The following MUC21 variants were observed in gnomAD, a reference collection of about 807,000 sequenced individuals.
MUC21 encodes mucin-21.
Under a neutral mutation model 9.1 loss-of-function variants are expected in MUC21, and 8 were observed. That is an observed-to-expected ratio of 0.88 (90% CI 0.52 to 1.59). The LOEUF is 1.59. Among genes scored for constraint, MUC21 ranks in the 40% most tolerant of loss-of-function variants. MUC21 has a pLI of 0.00. For missense variants in MUC21, 478 were observed against 694.2 expected (o/e 0.69, Z 3.50); for synonymous variants, 189 against 275.2 (o/e 0.69, Z 3.10).
chr6:30,987,601 G>A lies in MUC21; in HGVS notation c.1426G>A (p.Val476Met). 6.2e-7 allele frequency: 1 copy of A among 1,614,240 alleles called. No homozygotes were observed. The highest frequency in any genetic ancestry group is 1.1e-5 in the South Asian group (1 of 91,082). ...VSEAKPGGSL[V>M]PWEIFLITLV... The stretch of plus-strand genomic sequence containing the variant: ...TGAGGCGAAGCCTGGTGGGTCCCTG[G>A]TGCCGTGGGAAATCTTCCTCATCAC... Residue 476 changes from valine (V) to methionine (M), a missense_variant, in exon 2 of 3, where the codon GTG becomes ATG. Around this residue, in one of 5 missense-constraint regions of MUC21, gnomAD observed 158 missense variants for 192.6 expected, o/e 0.82. Transcript: ENST00000376296.
rs1166092303 is a variant in MUC21, at chr6:30,986,456, A to C, written c.281A>C (p.Glu94Ala). ...GGGATCAGCACAGCCACCAACTCTG[A>C]GTTCAGCACAGTGTCCAGTGGGATC... ...SSGISTATNS[E>A]FSTVSSGISI... Residue 94 changes from glutamate to alanine, a missense_variant, in exon 2 of 3, where the codon GAG (glutamate) becomes GCG (alanine). Glu to Ala is a moderately radical substitution (Grantham distance 107). Coordinates refer to ENST00000376296, the MANE Select transcript of MUC21 (RefSeq NM_001010909.5). The C allele has an allele frequency of 6.3e-7, 1 of 1,597,154 alleles. No individual in the cohort carries two copies. Among genetic ancestry groups the C allele is most frequent in the Non-Finnish European group, 8.6e-7 (1 of 1,167,754 alleles).
chr6:30,983,795 T>C lies in MUC21; in HGVS notation c.-164T>C. On this transcript the variant is annotated 5_prime_UTR_variant, in exon 1 of 3. Coordinates refer to ENST00000376296, the MANE Select transcript of MUC21 (RefSeq NM_001010909.5). ...CAGCTGCCCACGCCTGAGTCCAAGA[T>C]TCTTCCCAGGAACACAAACGTAGGA... is the stretch of plus-strand genomic sequence containing the variant. 1.8e-6 allele frequency: 1 copy of C among 548,580 alleles called. No homozygotes were observed. Among genetic ancestry groups the C allele is most frequent in the Non-Finnish European group, 3.2e-6 (1 of 308,462 alleles). The allele number at this position is 548,580 out of a possible 1,614,324, so 34.0% of individuals were successfully genotyped here.
Position 30,988,178 on chromosome 6 carries a change from G to A in MUC21, c.1685G>A (p.Arg562Lys). Reference protein sequence around the residue: ...VSSIAMEMSGRNSGP With the variant: ...VSSIAMEMSGKNSGP Reference sequence around the variant, plus strand: ...TCGATAGCCATGGAGATGAGCGGGAGGAACAGCGGGCCCTGAGCAGCCCCG... The same window carrying A: ...TCGATAGCCATGGAGATGAGCGGGAAGAACAGCGGGCCCTGAGCAGCCCCG... Residue 562 changes from arginine (R) to lysine (K), a missense_variant, in exon 3 of 3, where the codon AGG becomes AAG. Around this residue, in one of 5 missense-constraint regions of MUC21, gnomAD observed 158 missense variants for 192.6 expected, o/e 0.82. Coordinates refer to ENST00000376296, the MANE Select transcript of MUC21 (RefSeq NM_001010909.5). The A allele has an allele frequency of 6.2e-7, 1 of 1,611,856 alleles. No homozygotes were observed. The highest frequency in any genetic ancestry group is 8.5e-7 in the Non-Finnish European group (1 of 1,179,764).
Position 30,988,182 on chromosome 6 carries a change from C to T in MUC21, c.1689C>T (p.Asn563=). 1.2e-6 allele frequency: 2 copies of T among 1,611,584 alleles called. No homozygotes were observed. The highest frequency in any genetic ancestry group is 1.1e-5 in the South Asian group (1 of 91,014). The change falls in exon 3 of 3, where the codon AAC becomes AAT. Residue 563 remains asparagine (N), a synonymous_variant. Transcript: ENST00000376296. ...TAGCCATGGAGATGAGCGGGAGGAACAGCGGGCCCTGAGCAGCCCCGGAAG... is the reference window on the plus strand; with the variant it reads ...TAGCCATGGAGATGAGCGGGAGGAATAGCGGGCCCTGAGCAGCCCCGGAAG... The part of the protein sequence containing the change: ...SSIAMEMSGR[N]SGP
Position 30,987,559 on chromosome 6 carries a change from G to A in MUC21, c.1384G>A (p.Ala462Thr). ...TGGAATGCACACAACTTCCCATAGTGCATCTACTGCAGTGAGTGAGGCGAA... is the reference window on the plus strand; with the variant it reads ...TGGAATGCACACAACTTCCCATAGTACATCTACTGCAGTGAGTGAGGCGAA... Reference protein sequence around the residue: ...LTGMHTTSHSASTAVSEAKPG... With the variant: ...LTGMHTTSHSTSTAVSEAKPG... Residue 462 changes from alanine (A) to threonine (T), a missense_variant, in exon 2 of 3, where the codon GCA becomes ACA. This residue lies in a region of MUC21 where 158 missense variants were observed against 192.6 expected (regional missense o/e 0.82). Coordinates refer to ENST00000376296, the MANE Select transcript of MUC21 (RefSeq NM_001010909.5). The A allele has an allele frequency of 6.2e-7, 1 of 1,614,276 alleles. No homozygotes were observed.
rs796267398 is a variant in MUC21 at position 30,988,123 on chromosome 6, C to T, written c.1630C>T (p.Pro544Ser). The T allele has an allele frequency of 1.4e-5, 23 of 1,612,968 alleles. No individual in the cohort carries two copies. In the African/African-American group the frequency reaches 2.9e-4, roughly 21 times the overall value. ...AGCCCCCCACAGGCCCAGGTGGAGT[C>T]CTAACTGGTTCTGGAGGAGACCAGT... ...HGAPHRPRWS[P>S]NWFWRRPVSS... The change falls in exon 3 of 3, where the codon CCT (proline) becomes TCT (serine). Residue 544 changes from proline to serine, a missense_variant. Pro to Ser is a moderately conservative substitution (Grantham distance 74). Transcript: ENST00000376296.
chr6:30,984,650 A>G (rs1292960731), intron 1 of MUC21, among the ~76,000 whole-genome samples: 5 of 147,642 alleles, frequency 3.4e-5, no homozygotes, highest in Non-Finnish European at 7.5e-5. Context: ...AGCCTGGGTG[A>G]CGGAGTGAGA....
Position 30,988,393 on chromosome 6 carries a change from A to T in MUC21, c.*199A>T. On this transcript the variant is annotated 3_prime_UTR_variant, in exon 3 of 3. Coordinates refer to ENST00000376296, the MANE Select transcript of MUC21 (RefSeq NM_001010909.5). ...TACTATATTGCTCATTTAGCTAAGA[A>T]ATAAATACATCTCATCTAACACACA... is the stretch of plus-strand genomic sequence containing the variant. 1.8e-6 allele frequency: 1 copy of T among 563,290 alleles called. No homozygotes were observed. 34.9% of individuals were successfully genotyped at this position (563,290 alleles called of 1,614,324 possible).
At position 30,986,880 on chromosome 6, in the gene MUC21, T is replaced by A. The variant is rs1762331211; in HGVS notation, c.705T>A (p.Ser235Arg). ...ATNSESSTTS[S>R]GASTATNSES... ...ACTCTGAGTCCAGCACGACCTCCAG[T>A]GGGGCCAGCACAGCCACCAACTCTG... The change falls in exon 2 of 3, where the codon AGT (serine) becomes AGA (arginine). Residue 235 changes from serine to arginine, a missense_variant. Ser to Arg is a moderately radical substitution (Grantham distance 110, BLOSUM62 -1). Around this residue, in one of 5 missense-constraint regions of MUC21, gnomAD observed 155 missense variants for 235.2 expected, o/e 0.66. Coordinates refer to ENST00000376296, the MANE Select transcript of MUC21 (RefSeq NM_001010909.5). 6.3e-7 allele frequency: 1 copy of A among 1,590,430 alleles called. No homozygotes were observed. Among genetic ancestry groups the A allele is most frequent in the Non-Finnish European group, 8.6e-7 (1 of 1,167,760 alleles).
chr6:30,986,273 C>A lies in MUC21; in HGVS notation c.98C>A (p.Thr33Asn), dbSNP rs368753344. ...NSNETSTSAN[T>N]GSSVISSGAS... ...AATGAGACTAGCACCTCTGCCAACACTGGATCCAGTGTGATCTCCAGTGGA... is the reference window on the plus strand; with the variant it reads ...AATGAGACTAGCACCTCTGCCAACAATGGATCCAGTGTGATCTCCAGTGGA... The change falls in exon 2 of 3, where the codon ACT becomes AAT. Residue 33 changes from threonine (T) to asparagine (N), a missense_variant. This residue lies in a region of MUC21 where 110 missense variants were observed against 108.3 expected (regional missense o/e 1.02). Transcript: ENST00000376296. 3.1e-6 allele frequency: 5 copies of A among 1,614,128 alleles called. No homozygotes were observed. The highest frequency in any genetic ancestry group is 4.2e-6 in the Non-Finnish European group (5 of 1,179,942).
At position 30,987,580 on chromosome 6, in the gene MUC21, G is replaced by T. The variant is rs766707780; in HGVS notation, c.1405G>T (p.Ala469Ser). ...SHSASTAVSE[A>S]KPGGSLVPWE... Reference sequence around the variant, plus strand: ...TAGTGCATCTACTGCAGTGAGTGAGGCGAAGCCTGGTGGGTCCCTGGTGCC... The same window carrying T: ...TAGTGCATCTACTGCAGTGAGTGAGTCGAAGCCTGGTGGGTCCCTGGTGCC... Residue 469 changes from alanine to serine, a missense_variant, in exon 2 of 3, where the codon GCG becomes TCG. Transcript: ENST00000376296. 23 of 1,614,116 alleles carry T rather than the reference G, an allele frequency of 1.4e-5. No individual in the cohort carries two copies. Among genetic ancestry groups the T allele is most frequent in the Non-Finnish European group, 1.9e-5 (22 of 1,180,044 alleles).
chr6:30,986,478 G>T lies in MUC21; in HGVS notation c.303G>T (p.Gly101=). The T allele has an allele frequency of 6.3e-7, 1 of 1,599,344 alleles. No homozygotes were observed. Among genetic ancestry groups the T allele is most frequent in the Non-Finnish European group, 8.6e-7 (1 of 1,169,482 alleles). Residue 101 remains glycine, a synonymous_variant, in exon 2 of 3, where the codon GGG becomes GGT. Coordinates refer to ENST00000376296, the MANE Select transcript of MUC21 (RefSeq NM_001010909.5). ...CTGAGTTCAGCACAGTGTCCAGTGGGATCAGCATAGCCACCAACTCTGAGT... is the reference window on the plus strand; with the variant it reads ...CTGAGTTCAGCACAGTGTCCAGTGGTATCAGCATAGCCACCAACTCTGAGT... ...TNSEFSTVSS[G]ISIATNSESS... is the part of the protein sequence containing the mutation.
At chr6:30,984,125 GATC>G in intron 1 of MUC21, 106 bp downstream of exon 1, 2 of 692,306 alleles carry the variant, frequency 2.9e-6, no homozygotes, top group African/African-American at 1.8e-5. Flanking sequence ...ATAGAGTGAG[GATC>G]ATCATTTTAC....
chr6:30,988,254 C>A lies in MUC21; in HGVS notation c.*60C>A. On this transcript the variant is annotated 3_prime_UTR_variant, in exon 3 of 3. Transcript: ENST00000376296. ...AGGAAGAGACCTGGGCACCCAAGAC[C>A]TGGTTTCCTTTCATTCATCCCAGGA... 6.7e-7 allele frequency: 1 copy of A among 1,496,578 alleles called. No homozygotes were observed. Among genetic ancestry groups the A allele is most frequent in the Non-Finnish European group, 8.9e-7 (1 of 1,117,728 alleles). 92.7% of individuals were successfully genotyped at this position (1,496,578 alleles called of 1,614,324 possible).
rs1166895254 is a variant in MUC21, at chr6:30,986,443, G to A, written c.268G>A (p.Ala90Thr). ...TACAACCTCCAGTGGGATCAGCACA[G>A]CCACCAACTCTGAGTTCAGCACAGT... ...FHTTSSGIST[A>T]TNSEFSTVSS... Residue 90 changes from alanine to threonine, a missense_variant, in exon 2 of 3, where the codon GCC (alanine) becomes ACC (threonine). Ala to Thr is a moderately conservative substitution (Grantham distance 58, BLOSUM62 0). Around this residue, in one of 5 missense-constraint regions of MUC21, gnomAD observed 110 missense variants for 108.3 expected, o/e 1.02. Coordinates refer to ENST00000376296, the MANE Select transcript of MUC21 (RefSeq NM_001010909.5). 7.5e-6 allele frequency: 12 copies of A among 1,596,064 alleles called. No individual in the cohort carries two copies. In the South Asian group the frequency reaches 1.3e-4, roughly 18 times the overall value.
At position 30,983,904 on chromosome 6, in the gene MUC21, A is replaced by C. The variant is rs978697600; in HGVS notation, c.-55A>C. On this transcript the variant is annotated 5_prime_UTR_variant, in exon 1 of 3. Transcript: ENST00000376296. ...AGAATCCTCTGTTCTTTGCCCTCTA[A>C]AGTCTTGGTACATCTAGGACCCAGG... The C allele has an allele frequency of 9.2e-6, 7 of 764,178 alleles. No individual in the cohort carries two copies. Among genetic ancestry groups the C allele is most frequent in the Middle Eastern group, 2.3e-4 (1 of 4,392 alleles). The allele number at this position is 764,178 out of a possible 1,614,324, so 47.3% of individuals were successfully genotyped here.
rs1482136261 is a variant in MUC21, at chr6:30,986,981, C to G, written c.806C>G (p.Thr269Arg). Residue 269 changes from threonine to arginine, a missense_variant, in exon 2 of 3, where the codon ACA becomes AGA. By Grantham distance (71) the Thr-to-Arg change is moderately conservative. This residue lies in a region of MUC21 where 155 missense variants were observed against 235.2 expected (regional missense o/e 0.66). Transcript: ENST00000376296. ...AGCACGACCTCCAGTGGGGCCGGCA[C>G]AGCCACCAACTCTGAGTCCAGCACA... The part of the protein sequence containing the change: ...ESSTTSSGAG[T>R]ATNSESSTVS... 6.2e-7 allele frequency: 1 copy of G among 1,605,006 alleles called. No homozygotes were observed. The highest frequency in any genetic ancestry group is 8.5e-7 in the Non-Finnish European group (1 of 1,174,516).
Position 30,987,521 on chromosome 6 carries a change from C to A in MUC21, c.1346C>A (p.Thr449Lys). 1.2e-6 allele frequency: 2 copies of A among 1,614,298 alleles called. No individual in the cohort carries two copies. Among genetic ancestry groups the A allele is most frequent in the Non-Finnish European group, 1.7e-6 (2 of 1,180,052 alleles). Reference protein sequence around the residue: ...GSSVTSAGSGTAALTGMHTTS... With the variant: ...GSSVTSAGSGKAALTGMHTTS... ...AGTGTGACCTCTGCAGGCTCTGGAA[C>A]AGCAGCTCTGACTGGAATGCACACA... Residue 449 changes from threonine (T) to lysine (K), a missense_variant, in exon 2 of 3, where the codon ACA (threonine) becomes AAA (lysine). By Grantham distance (78) the Thr-to-Lys change is moderately conservative. Around this residue, in one of 5 missense-constraint regions of MUC21, gnomAD observed 158 missense variants for 192.6 expected, o/e 0.82. Transcript: ENST00000376296.
At chr6:30,985,167 T>C (rs1762197765) in intron 1 of MUC21, among the ~76,000 whole-genome samples, 1 of 152,110 alleles carries the variant, frequency 6.6e-6, no homozygotes, top group South Asian at 2.1e-4. Context: ...GGGCAAAAAT[T>C]TGACATAACC....
Sources: gnomAD v4.1 joint callset for allele counts (sites outside exome capture counted in the v4.1 genomes callset) on GRCh38, gnomAD v4.1.1 for gene constraint, gnomAD v4.1.1 regional missense constraint, MANE v1.5 for transcripts, NCBI Gene and HGNC (gene_info 2026-07-23, HGNC 2026-07-21) for gene names.